SEMA5A: variants seen among roughly 807,000 people sequenced by gnomAD.
SEMA5A encodes the protein semaphorin-5A.
SEMA5A carries 55 observed loss-of-function variants against 135.5 expected under a neutral mutation model. The observed-to-expected ratio is 0.41, with a 90% CI of 0.33 to 0.51. SEMA5A has a LOEUF of 0.51. Among genes scored for constraint, SEMA5A ranks in the 20% least tolerant of loss-of-function variants. The probability of loss-of-function intolerance (pLI) is 0.37; values close to 1 mark genes in which losing one functional copy is unlikely to be tolerated. For missense variants in SEMA5A, 1,290 were observed against 1,419.9 expected (o/e 0.91, Z 1.47); for synonymous variants, 580 against 546.5 (o/e 1.06, Z -0.85).
chr5:9,136,855 A>G (rs1226860157), intron 12 of SEMA5A, among the ~76,000 whole-genome samples: 2 of 152,240 alleles, frequency 1.3e-5, no homozygotes, highest in Non-Finnish European at 2.9e-5. Flanking sequence ...TCTAACATAC[A>G]TGACAGATGA....
At chr5:9,517,713 A>G (rs1387045457) in intron 1 of SEMA5A, 4 of 152,208 alleles carry the variant, frequency 2.6e-5, no homozygotes, top group Admixed American at 2.6e-4. Context: ...TAAACCTATG[A>G]AGTTTATAAA....
intron 5 of SEMA5A, among the ~76,000 whole-genome samples, chr5:9,305,306 C>T (rs529297017): frequency 2.6e-5 from 4 of 152,114 alleles, no homozygotes; most frequent in South Asian, 2.1e-4. Context: ...ATCTATGAAG[C>T]CTTTTGAAAT....
At chr5:9,142,251 T>C (rs1033825646) in intron 12 of SEMA5A, among the ~76,000 whole-genome samples, 3 of 152,146 alleles carry the variant, frequency 2.0e-5, no homozygotes, top group African/African-American at 7.2e-5. Flanking sequence ...CTGGAACAAA[T>C]GGGATGAACA....
intron 11 of SEMA5A, among the ~76,000 whole-genome samples, chr5:9,164,675 C>T (rs3846575): frequency 0.091 from 13,822 of 152,134 alleles, 788 homozygotes; most frequent in African/African-American, 0.16. Context: ...ATGGTTGGTG[C>T]TACTGCTTAA....
intron 2 of SEMA5A, among the ~76,000 whole-genome samples, chr5:9,431,216 T>C (rs1279808612): frequency 6.6e-6 from 1 of 152,140 alleles, no homozygotes; most frequent in Non-Finnish European, 1.5e-5. Context: ...TCAAAAAGTA[T>C]GTGGCCCCTG....
chr5:9,105,439 T>C (rs1739860313), intron 16 of SEMA5A, among the ~76,000 whole-genome samples: 1 of 152,242 alleles, frequency 6.6e-6, no homozygotes, highest in Non-Finnish European at 1.5e-5. Flanking sequence ...CATAAACTGC[T>C]ATAATAATCA....
chr5:9,084,588 T>A (rs188435001), intron 16 of SEMA5A, among the ~76,000 whole-genome samples: 2 of 152,336 alleles, frequency 1.3e-5, no homozygotes, highest in Non-Finnish European at 2.9e-5. Flanking sequence ...CCATGTGAGA[T>A]ATGCCTTTCA....
At chr5:9,070,374 A>C (rs934411646) in intron 16 of SEMA5A, among the ~76,000 whole-genome samples, 5 of 152,284 alleles carry the variant, frequency 3.3e-5, no homozygotes, top group African/African-American at 9.6e-5. Flanking sequence ...CCATCTCAAA[A>C]AAACAAACAA....
intron 1 of SEMA5A, among the ~76,000 whole-genome samples, chr5:9,515,773 T>G (rs957268281): frequency 3.3e-5 from 5 of 152,228 alleles, no homozygotes; most frequent in African/African-American, 9.6e-5. Context: ...AATGTCAGTG[T>G]AAAATCTGAA....
intron 13 of SEMA5A, among the ~76,000 whole-genome samples, chr5:9,127,570 T>C (rs1741183577): frequency 6.6e-6 from 1 of 152,178 alleles, no homozygotes; most frequent in Non-Finnish European, 1.5e-5. Flanking sequence ...ACAAACTGAC[T>C]TTGTCTGCCT....
intron 2 of SEMA5A, among the ~76,000 whole-genome samples, chr5:9,414,847 A>G (rs1178108402): frequency 1.3e-5 from 2 of 152,210 alleles, no homozygotes; most frequent in East Asian, 3.9e-4. Context: ...AAATGGGACC[A>G]AGAGCCCGTT....
chr5:9,283,102 G>T (rs772809588), intron 5 of SEMA5A, among the ~76,000 whole-genome samples: 1 of 152,178 alleles, frequency 6.6e-6, no homozygotes, highest in Admixed American at 6.5e-5. Context: ...AGGATAATTT[G>T]TTGCAGCAGT....
intron 11 of SEMA5A, among the ~76,000 whole-genome samples, chr5:9,168,450 C>T (rs1435666759): frequency 6.6e-6 from 1 of 152,154 alleles, no homozygotes; most frequent in African/African-American, 2.4e-5. Context: ...CTGCCAGGAG[C>T]CCTTATGTAA....
chr5:9,252,031 C>T (rs906804089), intron 5 of SEMA5A, among the ~76,000 whole-genome samples: 5 of 152,190 alleles, frequency 3.3e-5, no homozygotes, highest in Admixed American at 6.6e-5. Flanking sequence ...TCTTAACCCA[C>T]GTGCGATGGA....
intron 2 of SEMA5A, among the ~76,000 whole-genome samples, chr5:9,429,186 A>G (rs1757772197): frequency 1.3e-5 from 2 of 152,148 alleles, no homozygotes; most frequent in African/African-American, 2.4e-5. Context: ...AATGTGGGGG[A>G]AATTATACCA....
chr5:9,408,135 T>A (rs1756966709), intron 2 of SEMA5A, among the ~76,000 whole-genome samples: 1 of 150,862 alleles, frequency 6.6e-6, no homozygotes, highest in Non-Finnish European at 1.5e-5. Flanking sequence ...TTCACCACCA[T>A]CTTCAACATC....
intron 1 of SEMA5A, among the ~76,000 whole-genome samples, chr5:9,476,917 A>T (rs971103297): frequency 3.3e-5 from 5 of 150,032 alleles, no homozygotes; most frequent in African/African-American, 1.2e-4. Context: ...TCTTTACAAA[A>T]CTAAAAAAAA....
chr5:9,255,797 A>G lies in SEMA5A; in HGVS notation c.271-17907T>C, dbSNP rs1749037842. ...GCATTCCTGTCCATTACTGGAAAGTATTAATTCTTCCACCTCTCTCCTGGG... is the reference window on the plus strand; with the variant it reads ...GCATTCCTGTCCATTACTGGAAAGTGTTAATTCTTCCACCTCTCTCCTGGG... On this transcript the variant is annotated intron_variant, in intron 5 of 22. Transcript: ENST00000382496. Among the ~76,000 whole-genome samples, 3 of 152,206 alleles carry G rather than the reference A, an allele frequency of 2.0e-5. No individual in the cohort carries two copies. In the South Asian group the frequency reaches 6.2e-4, roughly 31 times the overall value.
At chr5:9,219,983 A>T (rs1746842794) in intron 8 of SEMA5A, among the ~76,000 whole-genome samples, 1 of 152,184 alleles carries the variant, frequency 6.6e-6, no homozygotes, top group Non-Finnish European at 1.5e-5. Context: ...GAATAGAAAA[A>T]AAAATGTGAT....
Sources: allele counts gnomAD v4.1 joint callset (sites outside exome capture counted in the v4.1 genomes callset), GRCh38; gene constraint gnomAD v4.1.1; transcripts MANE v1.5; gene names NCBI Gene and HGNC (gene_info 2026-07-23, HGNC 2026-07-21).